Variants in IGF2BP1 observed in about 807,000 individuals in gnomAD.
IGF2BP1 encodes insulin like growth factor 2 mRNA binding protein 1.
IGF2BP1 carries 11 observed loss-of-function variants against 74.9 expected under a neutral mutation model. That is an observed-to-expected ratio of 0.15 (90% CI 0.09 to 0.24). IGF2BP1 has a LOEUF of 0.24. Among genes scored for constraint, IGF2BP1 ranks in the 10% least tolerant of loss-of-function variants. The pLI is 1.00. For synonymous variants in IGF2BP1, 287 were observed against 281.8 expected (o/e 1.02, Z -0.18); for missense variants, 440 against 757.4 (o/e 0.58, Z 4.92).
At chr17:48,998,558 T>G (rs995713319) in intron 1 of IGF2BP1, among the ~76,000 whole-genome samples, 1 of 152,004 alleles carries the variant, frequency 6.6e-6, no homozygotes, top group Non-Finnish European at 1.5e-5. Context: ...ACGCCGAGGC[T>G]GGGCCGAGAG....
At chr17:49,015,514 C>A (rs1304694693) in intron 2 of IGF2BP1, among the ~76,000 whole-genome samples, 1 of 152,232 alleles carries the variant, frequency 6.6e-6, no homozygotes, top group South Asian at 2.1e-4. Flanking sequence ...CTCCCCATCT[C>A]AGATTGCAGG....
intron 2 of IGF2BP1, among the ~76,000 whole-genome samples, chr17:48,999,757 C>T (rs1473896071): frequency 3.9e-5 from 6 of 152,070 alleles, no homozygotes; most frequent in East Asian, 3.9e-4. Flanking sequence ...ATCCCTCTCC[C>T]CAGCTGGATT....
chr17:49,024,113 T>G (rs2041824515), intron 2 of IGF2BP1, among the ~76,000 whole-genome samples: 1 of 126,534 alleles, frequency 7.9e-6, no homozygotes, highest in Non-Finnish European at 1.8e-5. Context: ...TTTTTTTTTG[T>G]AGAGAGGAGG....
chr17:49,038,665 C>T (rs565781069), intron 6 of IGF2BP1, among the ~76,000 whole-genome samples: 2 of 152,062 alleles, frequency 1.3e-5, no homozygotes, highest in Admixed American at 6.5e-5. Flanking sequence ...GCCACACACT[C>T]GTATTAGCAA....
chr17:49,001,856 G>A (rs1282887909), intron 2 of IGF2BP1, among the ~76,000 whole-genome samples: 2 of 152,104 alleles, frequency 1.3e-5, no homozygotes, highest in African/African-American at 4.8e-5. Context: ...GGTAAAGGGG[G>A]TACCATTTTA....
chr17:49,042,585 C>A (rs1487100844), intron 9 of IGF2BP1, among the ~76,000 whole-genome samples: 1 of 152,126 alleles, frequency 6.6e-6, no homozygotes, highest in Non-Finnish European at 1.5e-5. Flanking sequence ...GGGGTCCAAT[C>A]TTGGGCTTTG....
At chr17:49,047,066 C>T (rs2042115205) in intron 14 of IGF2BP1, among the ~76,000 whole-genome samples, 1 of 152,180 alleles carries the variant, frequency 6.6e-6, no homozygotes, top group Non-Finnish European at 1.5e-5. Flanking sequence ...ATCACAGTTC[C>T]TACAATTCAT....
At chr17:48,998,618 C>A (rs1320511925) in intron 1 of IGF2BP1, among the ~76,000 whole-genome samples, 2 of 152,154 alleles carry the variant, frequency 1.3e-5, no homozygotes, top group Non-Finnish European at 2.9e-5. Flanking sequence ...CCGCTCCGCT[C>A]CCCCAGGTCC....
In IGF2BP1 at chr17:49,055,083, G is replaced by T. The variant is rs1309764870; in HGVS notation, c.*5639G>T. 7.2e-6 allele frequency: 1 copy of T among 139,376 alleles called. No individual in the cohort carries two copies. Among genetic ancestry groups the T allele is most frequent in the African/African-American group, 2.7e-5 (1 of 36,900 alleles). 8.6% of individuals were successfully genotyped at this position (139,376 alleles called of 1,614,324 possible). Reference sequence around the variant, plus strand: ...CTTGCTTAGGTTAGGGGGGGAAAAAGATTTCTTTTTCCAAAGGAAAAAAAT... The same window carrying T: ...CTTGCTTAGGTTAGGGGGGGAAAAATATTTCTTTTTCCAAAGGAAAAAAAT... On this transcript the variant is annotated 3_prime_UTR_variant, in exon 15 of 15. Transcript: ENST00000290341.
At chr17:49,011,597 G>T (rs2041620076) in intron 2 of IGF2BP1, among the ~76,000 whole-genome samples, 1 of 151,974 alleles carries the variant, frequency 6.6e-6, no homozygotes, top group African/African-American at 2.4e-5. Flanking sequence ...GTTGAGGCAG[G>T]AAGGTTGCGT....
chr17:49,030,303 G>A (rs556045378), intron 4 of IGF2BP1, among the ~76,000 whole-genome samples: 8 of 152,002 alleles, frequency 5.3e-5, no homozygotes, highest in Admixed American at 2.0e-4. Context: ...CACCACACTT[G>A]GCTAATTTTT....
intron 2 of IGF2BP1, among the ~76,000 whole-genome samples, chr17:49,024,083 A>ATTTTT (rs765273098): frequency 9.0e-5 from 7 of 78,104 alleles, no homozygotes; most frequent in Admixed American, 1.3e-4. Flanking sequence ...CACCCTGCTA[A>ATTTTT]TTTTTTTTTT....
chr17:49,017,645 G>C (rs566861862), intron 2 of IGF2BP1: 33 of 152,254 alleles, frequency 2.2e-4, no homozygotes, highest in African/African-American at 7.0e-4. Context: ...GTCTCACTCT[G>C]TTGCTCAGGC....
Position 49,054,085 on chromosome 17 carries a change from T to A in IGF2BP1, c.*4641T>A, listed in dbSNP as rs537863051. On this transcript the variant is annotated 3_prime_UTR_variant, in exon 15 of 15. Transcript: ENST00000290341. ...CACCAGCTGAAAACTGCAGTTTCTT[T>A]CCTTTGGATACATAAGGCTTCTCTA... 2 of 152,792 alleles carry A rather than the reference T, an allele frequency of 1.3e-5. No homozygotes were observed. The highest frequency in any genetic ancestry group is 4.1e-4 in the South Asian group (2 of 4,828). 9.5% of individuals were successfully genotyped at this position (152,792 alleles called of 1,614,324 possible). A position where few individuals can be genotyped will look rare whatever the true frequency, so the allele number is the denominator to read the frequency against.
intron 2 of IGF2BP1, among the ~76,000 whole-genome samples, chr17:49,017,368 A>G (rs1334183937): frequency 6.6e-6 from 1 of 152,188 alleles, no homozygotes; most frequent in Non-Finnish European, 1.5e-5. Context: ...TGGGTACTGT[A>G]GCACAGTGCC....
intron 2 of IGF2BP1, among the ~76,000 whole-genome samples, chr17:49,019,950 T>TATATATATATA (rs1567815917): frequency 2.9e-4 from 7 of 24,152 alleles, no homozygotes; most frequent in Admixed American, 5.4e-4. Flanking sequence ...ATATATATAT[T>TATATATATATA]TATATACACA....
At chr17:49,026,358 A>T in intron 3 of IGF2BP1, 108 bp from the exon 4 acceptor site, 1 of 928,866 alleles carries the variant, frequency 1.1e-6, no homozygotes. Context: ...AAACACTCCT[A>T]TGGCTCTGTC....
rs2042163534 is a variant in IGF2BP1 at position 49,051,232 on chromosome 17, ATATTT to A, written c.*1795_*1799del. ...GCAAAAGAGAAGCTGATAGTCTTGAATATTTTATTTTTTTAATGAAAAGAAAAAAC... is the reference window on the plus strand; with the variant it reads ...GCAAAAGAGAAGCTGATAGTCTTGAATATTTTTTTAATGAAAAGAAAAAAC... On this transcript the variant is annotated 3_prime_UTR_variant, in exon 15 of 15. Coordinates refer to ENST00000290341, the MANE Select transcript of IGF2BP1 (RefSeq NM_006546.4). 1 of 152,654 alleles carries A rather than the reference ATATTT, an allele frequency of 6.6e-6. No individual in the cohort carries two copies. The highest frequency in any genetic ancestry group is 1.5e-5 in the Non-Finnish European group (1 of 68,044). 9.5% of individuals were successfully genotyped at this position (152,654 alleles called of 1,614,324 possible).
rs533807181 is a variant in IGF2BP1, at chr17:49,029,372, T to C, written c.338-2538T>C. ...GCTCGTGCCTGTAATCCGAGGACTT[T>C]GGGAGGCTGAGATGGGAGGAATAGC... is the stretch of plus-strand genomic sequence containing the variant. On this transcript the variant is annotated intron_variant, in intron 4 of 14. Transcript: ENST00000290341. Among the ~76,000 whole-genome samples, 12 of 152,248 alleles carry C rather than the reference T, an allele frequency of 7.9e-5. No homozygotes were observed. In the South Asian group the frequency reaches 1.9e-3, roughly 24 times the overall value.
Sources: allele counts gnomAD v4.1 joint callset (sites outside exome capture counted in the v4.1 genomes callset), GRCh38; gene constraint gnomAD v4.1.1; transcripts MANE v1.5; gene names NCBI Gene and HGNC (gene_info 2026-07-23, HGNC 2026-07-21).